Variants in OTUD7A observed in about 807,000 individuals in gnomAD.
The protein encoded by OTUD7A is OTU domain-containing protein 7A.
In OTUD7A, 12 loss-of-function variants were observed where a neutral mutation model predicts 65.7. That is an observed-to-expected ratio of 0.18 (90% CI 0.12 to 0.30). OTUD7A has a LOEUF of 0.30. Among genes scored for constraint, OTUD7A ranks in the 10% least tolerant of loss-of-function variants. The probability of loss-of-function intolerance (pLI) is 1.00; values close to 1 mark genes in which losing one functional copy is unlikely to be tolerated. For missense variants in OTUD7A, 1,148 were observed against 1,304.8 expected (o/e 0.88, Z 1.85); for synonymous variants, 641 against 586.3 (o/e 1.09, Z -1.35).
chr15:31,689,476 A>G (rs926181733), intron 1 of OTUD7A: 4 of 144,202 alleles, frequency 2.8e-5, no homozygotes, highest in African/African-American at 9.9e-5. Flanking sequence ...ACAGCGCCTG[A>G]GAACTCTGGA....
At chr15:31,633,649 A>G (rs532398325) in intron 3 of OTUD7A, among the ~76,000 whole-genome samples, 44 of 152,254 alleles carry the variant, frequency 2.9e-4, no homozygotes, top group Non-Finnish European at 1.9e-4. Flanking sequence ...CACACCCAGC[A>G]TGGACTGCTC....
chr15:31,867,734 TC>T (rs1355685220), intron 1 of OTUD7A, among the ~76,000 whole-genome samples: 1 of 152,168 alleles, frequency 6.6e-6, no homozygotes, highest in Non-Finnish European at 1.5e-5. Flanking sequence ...AGGCACTCAA[TC>T]CTGAGACTCA....
intron 1 of OTUD7A, among the ~76,000 whole-genome samples, chr15:31,770,142 T>C (rs1356040079): frequency 1.3e-5 from 2 of 152,140 alleles, no homozygotes; most frequent in Admixed American, 6.5e-5. Flanking sequence ...GGTGGCTCTT[T>C]GGAAATATTA....
Position 31,479,278 on chromosome 15 carries a change from C to T in OTUD7A, c.*4016G>A, listed in dbSNP as rs1595543885. 6.6e-6 allele frequency: 1 copy of T among 152,232 alleles called. No individual in the cohort carries two copies. Among genetic ancestry groups the T allele is most frequent in the East Asian group, 1.9e-4 (1 of 5,182 alleles). The allele number at this position is 152,232 out of a possible 1,614,324, so 9.4% of individuals were successfully genotyped here. ...TGAAGCCAGGGCTGGTAAGGTCTGT[C>T]TGGCCCAGCAGGGCTTGCTCAGCCA... On this transcript the variant is annotated 3_prime_UTR_variant, in exon 13 of 13. Transcript: ENST00000307050.
intron 3 of OTUD7A, among the ~76,000 whole-genome samples, chr15:31,627,787 G>C (rs373564321): frequency 5.7e-4 from 87 of 152,196 alleles, no homozygotes; most frequent in African/African-American, 1.1e-3. Context: ...GCCATTCTAA[G>C]TGGTGTGAGA....
intron 3 of OTUD7A, among the ~76,000 whole-genome samples, chr15:31,638,228 C>A (rs1163682548): frequency 6.6e-6 from 1 of 152,212 alleles, no homozygotes; most frequent in African/African-American, 2.4e-5. Flanking sequence ...AGGCAAGACC[C>A]TCCACCAGCA....
chr15:31,485,760 G>T (rs1217846524), intron 12 of OTUD7A, among the ~76,000 whole-genome samples: 2 of 152,212 alleles, frequency 1.3e-5, no homozygotes, highest in South Asian at 2.1e-4. Context: ...GCTTCCAGGG[G>T]ATGAGCCTGG....
chr15:31,753,345 T>C (rs1218585898), intron 1 of OTUD7A, among the ~76,000 whole-genome samples: 2 of 152,104 alleles, frequency 1.3e-5, no homozygotes, highest in South Asian at 2.1e-4. Flanking sequence ...AGGTGGTGTT[T>C]GGTTACACGA....
At chr15:31,714,953 T>C (rs1304323954) in intron 1 of OTUD7A, among the ~76,000 whole-genome samples, 1 of 151,826 alleles carries the variant, frequency 6.6e-6, no homozygotes, top group African/African-American at 2.4e-5. Context: ...CTGGCCAACA[T>C]GGTGAAACCC....
intron 1 of OTUD7A, among the ~76,000 whole-genome samples, chr15:31,814,702 T>G (rs1215551146): frequency 1.3e-5 from 2 of 152,010 alleles, no homozygotes; most frequent in African/African-American, 2.4e-5. Context: ...TTTTGTACTT[T>G]TAGTAGAGAT....
chr15:31,790,974 G>A (rs1178483361), intron 1 of OTUD7A, among the ~76,000 whole-genome samples: 2 of 152,146 alleles, frequency 1.3e-5, no homozygotes, highest in Non-Finnish European at 2.9e-5. Flanking sequence ...ACTGGGAGGT[G>A]CAAGTCTTGA....
At chr15:31,832,268 T>C (rs1194710272) in intron 1 of OTUD7A, among the ~76,000 whole-genome samples, 1 of 152,136 alleles carries the variant, frequency 6.6e-6, no homozygotes, top group Non-Finnish European at 1.5e-5. Flanking sequence ...CTACAGGGGT[T>C]CTTGGCATGG....
At chr15:31,573,172 A>T (rs1242878802) in intron 3 of OTUD7A, among the ~76,000 whole-genome samples, 1 of 152,236 alleles carries the variant, frequency 6.6e-6, no homozygotes, top group Non-Finnish European at 1.5e-5. Context: ...TCTTGGCAGC[A>T]ACAGTCAATG....
At chr15:31,846,257 C>T (rs1897290672) in intron 1 of OTUD7A, among the ~76,000 whole-genome samples, 1 of 152,268 alleles carries the variant, frequency 6.6e-6, no homozygotes, top group Non-Finnish European at 1.5e-5. Context: ...GAGCGCTTTC[C>T]ACCAGATGGG....
intron 3 of OTUD7A, among the ~76,000 whole-genome samples, chr15:31,631,667 A>C (rs1050274016): frequency 2.0e-5 from 3 of 152,186 alleles, no homozygotes; most frequent in African/African-American, 7.2e-5. Context: ...TCTCCTGGAA[A>C]ATATCCTGCA....
intron 1 of OTUD7A, among the ~76,000 whole-genome samples, chr15:31,718,497 T>C (rs1381657410): frequency 6.6e-6 from 1 of 151,668 alleles, no homozygotes; most frequent in African/African-American, 2.4e-5. Context: ...ACCTATTTAA[T>C]AAATAATCAC....
intron 1 of OTUD7A, among the ~76,000 whole-genome samples, chr15:31,794,165 T>C (rs757492195): frequency 2.6e-4 from 40 of 152,206 alleles, no homozygotes; most frequent in Non-Finnish European, 3.5e-4. Flanking sequence ...AATAGAAGCT[T>C]ACCCTGTGGA....
At chr15:31,735,058 A>AAAC (rs150319769) in intron 1 of OTUD7A, among the ~76,000 whole-genome samples, 149,532 of 152,128 alleles carry the variant, frequency 0.98, 73,546 homozygotes, top group East Asian at 1. Flanking sequence ...TACAAGAAAA[A>AAAC]AACCCCACTA....
chr15:31,646,398 TTCTCTCTTTCTCTC>T lies in OTUD7A; in HGVS notation c.151+8684_151+8697del, dbSNP rs899808755. Among the ~76,000 whole-genome samples, 12 of 152,092 alleles carry T rather than the reference TTCTCTCTTTCTCTC, an allele frequency of 7.9e-5. No individual in the cohort carries two copies. The East Asian group carries it at 1.9e-3, about 24-fold the overall frequency. On this transcript the variant is annotated intron_variant, in intron 3 of 12. Coordinates refer to ENST00000307050, the MANE Select transcript of OTUD7A (RefSeq NM_001382637.1). ...CTTTCCAGAGAGGAAGTGTCTTTCT[TTCTCTCTTTCTCTC>T]TCTCTCTTCCTTTCCTTTCCCTTTC...
Sources: gnomAD v4.1 joint callset for allele counts (sites outside exome capture counted in the v4.1 genomes callset) on GRCh38, gnomAD v4.1.1 for gene constraint, MANE v1.5 for transcripts, NCBI Gene and HGNC (gene_info 2026-07-23, HGNC 2026-07-21) for gene names.